Variants in VCAN observed in about 807,000 individuals in gnomAD.
VCAN encodes the protein versican, also known as versican core protein.
VCAN carries 44 observed loss-of-function variants against 245.5 expected under a neutral mutation model. The observed-to-expected ratio is 0.18, with a 90% CI of 0.14 to 0.23. The LOEUF is 0.23. Ranked by LOEUF, VCAN falls within the 10% of genes least tolerant of loss-of-function variation. The pLI is 1.00. For missense variants in VCAN, 3,793 were observed against 4,057.9 expected (o/e 0.93, Z 1.77); for synonymous variants, 1,413 against 1,437.0 (o/e 0.98, Z 0.38).
chr5:83,490,193 TACA>T lies in VCAN; in HGVS notation c.170_172del (p.Asn57del). ...AACGATGCCTACTTTGCCACCCAGT[TACA>T]ACACCAGTGAATTTCTCCGCATCAA... On this transcript the variant is annotated inframe_deletion, in exon 3 of 15. Coordinates refer to ENST00000265077, the MANE Select transcript of VCAN (RefSeq NM_004385.5). 1 of 1,614,156 alleles carries T rather than the reference TACA, an allele frequency of 6.2e-7. No individual in the cohort carries two copies. Among genetic ancestry groups the T allele is most frequent in the Non-Finnish European group, 8.5e-7 (1 of 1,180,024 alleles).
intron 1 of VCAN, among the ~76,000 whole-genome samples, chr5:83,476,681 TGTGG>T (rs1201626186): frequency 6.6e-6 from 1 of 152,066 alleles, no homozygotes; most frequent in Non-Finnish European, 1.5e-5. Context: ...TCTGTGTGTG[TGTGG>T]GGGGTGCGTG....
At chr5:83,485,087 T>C (rs1430234942) in intron 2 of VCAN, among the ~76,000 whole-genome samples, 1 of 152,206 alleles carries the variant, frequency 6.6e-6, no homozygotes, top group Non-Finnish European at 1.5e-5. Context: ...TGCTTAACAC[T>C]AACTCACTGA....
At chr5:83,523,403 A>G (rs1746175138) in intron 7 of VCAN, among the ~76,000 whole-genome samples, 1 of 112,080 alleles carries the variant, frequency 8.9e-6, no homozygotes, top group Admixed American at 1.0e-4. Flanking sequence ...GACAGGATAG[A>G]AGATTTTTTT....
At position 83,548,033 on chromosome 5, in the gene VCAN, A is replaced by G; in HGVS notation, c.9442A>G (p.Thr3148Ala). The G allele has an allele frequency of 6.2e-7, 1 of 1,614,112 alleles. No homozygotes were observed. The highest frequency in any genetic ancestry group is 8.5e-7 in the Non-Finnish European group (1 of 1,179,974). ...AGCCACTTGTGTTGATGGTTTTAAC[A>G]CATTCAGGTGCCTCTGCCTTCCAAG... ...NGATCVDGFN[T>A]FRCLCLPSYV... Residue 3148 changes from threonine to alanine, a missense_variant, in exon 10 of 15, where the codon ACA (threonine) becomes GCA (alanine). Transcript: ENST00000265077.
intron 9 of VCAN, among the ~76,000 whole-genome samples, chr5:83,546,975 G>T (rs948803716): frequency 1.8e-4 from 28 of 152,164 alleles, no homozygotes; most frequent in African/African-American, 6.3e-4. Context: ...TGTGTAGAAA[G>T]ATTTTATTTG....
chr5:83,537,247 A>G lies in VCAN; in HGVS notation c.4244A>G (p.His1415Arg), dbSNP rs1267902748. 6.2e-7 allele frequency: 1 copy of G among 1,613,968 alleles called. No individual in the cohort carries two copies. Among genetic ancestry groups the G allele is most frequent in the Non-Finnish European group, 8.5e-7 (1 of 1,179,960 alleles). ...TPSVQYINGKHLVTTVPKDPE... is the reference protein window; with the variant it reads ...TPSVQYINGKRLVTTVPKDPE... ...TCTGTGCAGTACATAAATGGGAAGC[A>G]TCTCGTTACCACTGTGCCCAAGGAC... Residue 1415 changes from histidine to arginine, a missense_variant, in exon 8 of 15, where the codon CAT (histidine) becomes CGT (arginine). This residue lies in a region of VCAN where 3,182 missense variants were observed against 3,250.3 expected (regional missense o/e 0.98). Transcript: ENST00000265077.
At chr5:83,515,392 G>T (rs1745810359) in intron 6 of VCAN, among the ~76,000 whole-genome samples, 1 of 152,142 alleles carries the variant, frequency 6.6e-6, no homozygotes, top group Non-Finnish European at 1.5e-5. Flanking sequence ...ATGTTTCCTA[G>T]AAAACTCATT....
In VCAN at chr5:83,471,746, A is replaced by C. The variant is rs1289533710; in HGVS notation, c.-284A>C. On this transcript the variant is annotated 5_prime_UTR_variant, in exon 1 of 15. Transcript: ENST00000265077. ...AATGATGATGGGTGTCACAACCCGC[A>C]TTTGAACTTGCAGGCGAGCTGCCCC... The C allele has an allele frequency of 1.0e-5, 4 of 398,720 alleles. No individual in the cohort carries two copies. Among genetic ancestry groups the C allele is most frequent in the Non-Finnish European group, 1.8e-5 (4 of 226,206 alleles). The allele number at this position is 398,720 out of a possible 1,614,324, so 24.7% of individuals were successfully genotyped here. A position where few individuals can be genotyped will look rare whatever the true frequency, so the allele number is the denominator to read the frequency against.
intron 12 of VCAN, among the ~76,000 whole-genome samples, chr5:83,568,428 C>T (rs930408194): frequency 1.3e-5 from 2 of 152,166 alleles, no homozygotes; most frequent in African/African-American, 4.8e-5. Flanking sequence ...AACAGGAACA[C>T]TCATTTTAAG....
At position 83,504,325 on chromosome 5, in the gene VCAN, G is replaced by A. The variant is rs74917570; in HGVS notation, c.749-7778G>A. ...AATTATCCTATTCATGAAAGGCTCT[G>A]TTGTATATCATATTTTACATGTACA... is the stretch of plus-strand genomic sequence containing the variant. On this transcript the variant is annotated intron_variant, in intron 5 of 14. Coordinates refer to ENST00000265077, the MANE Select transcript of VCAN (RefSeq NM_004385.5). 6.6e-3 allele frequency among the ~76,000 whole-genome samples: 995 copies of A among 151,452 alleles called. 12 individuals carry two copies. Among genetic ancestry groups the A allele is most frequent in the African/African-American group, 0.023 (953 of 41,242 alleles).
rs754880024 is a variant in VCAN at position 83,580,112 on chromosome 5, G to T, written c.10013G>T (p.Arg3338Leu). Residue 3338 changes from arginine to leucine, a missense_variant, in exon 14 of 15, where the codon CGG becomes CTG. Arg to Leu is a moderately radical substitution (Grantham distance 102, BLOSUM62 -2). Around this residue, in one of 5 missense-constraint regions of VCAN, gnomAD observed 205 missense variants for 321.1 expected, o/e 0.64. Transcript: ENST00000265077. ...GFIQRHLPTIRCLGNGRWAIP... is the reference protein window; with the variant it reads ...GFIQRHLPTILCLGNGRWAIP... ...ATTCAACGTCACCTTCCAACTATCCGGTGCTTAGGAAATGGAAGATGGGCT... is the reference window on the plus strand; with the variant it reads ...ATTCAACGTCACCTTCCAACTATCCTGTGCTTAGGAAATGGAAGATGGGCT... 6.2e-7 allele frequency: 1 copy of T among 1,614,000 alleles called. No individual in the cohort carries two copies. The highest frequency in any genetic ancestry group is 8.5e-7 in the Non-Finnish European group (1 of 1,179,980).
intron 1 of VCAN, among the ~76,000 whole-genome samples, chr5:83,480,137 A>G (rs1460482205): frequency 6.6e-6 from 1 of 152,202 alleles, no homozygotes; most frequent in Non-Finnish European, 1.5e-5. Flanking sequence ...ACTTATTCAA[A>G]CATATTTATG....
At chr5:83,497,919 C>T (rs993227136) in intron 5 of VCAN, among the ~76,000 whole-genome samples, 1 of 151,996 alleles carries the variant, frequency 6.6e-6, no homozygotes, top group Non-Finnish European at 1.5e-5. Flanking sequence ...AGATGAGGTC[C>T]TATTACCTTC....
In VCAN at chr5:83,484,655, A is replaced by C. The variant is rs192126436; in HGVS notation, c.70+1067A>C. The stretch of plus-strand genomic sequence containing the variant: ...CCAGATATTATTCTGGGTGTCTGGG[A>C]ATATACCCATGGATGACTCATAACT... On this transcript the variant is annotated intron_variant, in intron 2 of 14. Transcript: ENST00000265077. 8.3e-4 allele frequency among the ~76,000 whole-genome samples: 126 copies of C among 152,260 alleles called. 1 individual carries two copies. In the Middle Eastern group the frequency reaches 0.031, roughly 37 times the overall value.
chr5:83,577,655 A>G (rs1748532239), intron 13 of VCAN, among the ~76,000 whole-genome samples: 2 of 152,136 alleles, frequency 1.3e-5, no homozygotes, highest in Admixed American at 1.3e-4. Flanking sequence ...TAGTTTCTAA[A>G]TGTTTTATAG....
At position 83,493,945 on chromosome 5, in the gene VCAN, G is replaced by A. The variant is rs1448249601; in HGVS notation, c.748+14G>A. On this transcript the variant is annotated intron_variant, in intron 5 of 14. Transcript: ENST00000265077. ...ATCATCTGGATGGTAAGATGTTTGA[G>A]TTTCTATATCTTCGTATGAACTGAG... 6.2e-7 allele frequency: 1 copy of A among 1,613,944 alleles called. No homozygotes were observed. The highest frequency in any genetic ancestry group is 2.2e-5 in the East Asian group (1 of 44,878).
At chr5:83,560,316 A>T (rs1207872495) in intron 12 of VCAN, among the ~76,000 whole-genome samples, 1 of 152,142 alleles carries the variant, frequency 6.6e-6, no homozygotes, top group Non-Finnish European at 1.5e-5. Context: ...TTCCGTAGGT[A>T]TACTTTCTGA....
At chr5:83,473,119 C>T (rs951993447) in intron 1 of VCAN, among the ~76,000 whole-genome samples, 2 of 152,258 alleles carry the variant, frequency 1.3e-5, no homozygotes, top group African/African-American at 4.8e-5. Flanking sequence ...CCGGGAGCCC[C>T]GGGGGACGTC....
chr5:83,565,439 GAGAC>G (rs978048530), intron 12 of VCAN, among the ~76,000 whole-genome samples: 40 of 151,344 alleles, frequency 2.6e-4, no homozygotes, highest in Middle Eastern at 6.9e-3. Flanking sequence ...GTGTGAGAGA[GAGAC>G]AGAGTCTCAA....
Sources: allele counts gnomAD v4.1 joint callset (sites outside exome capture counted in the v4.1 genomes callset), GRCh38; gene constraint gnomAD v4.1.1; regional missense constraint gnomAD v4.1.1; transcripts MANE v1.5; gene names NCBI Gene and HGNC (gene_info 2026-07-23, HGNC 2026-07-21).